Variants in CHRNB3 observed in about 807,000 individuals in gnomAD.
The protein encoded by CHRNB3 is neuronal acetylcholine receptor subunit beta-3.
Under a neutral mutation model 40.6 loss-of-function variants are expected in CHRNB3, and 37 were observed. The ratio of observed to expected loss-of-function variants is 0.91; its 90% confidence interval spans 0.70 to 1.20. CHRNB3 has a LOEUF of 1.20. CHRNB3 is among the 50% of genes most tolerant of loss of function. The pLI is 0.00. For missense variants in CHRNB3, 505 were observed against 551.2 expected (o/e 0.92, Z 0.84); for synonymous variants, 207 against 207.1 (o/e 1.00, Z 0.00).
At chr8:42,715,502 T>G (rs2128906395) in intron 3 of CHRNB3, among the ~76,000 whole-genome samples, 1 of 152,296 alleles carries the variant, frequency 6.6e-6, no homozygotes, top group African/African-American at 2.4e-5. Flanking sequence ...TCCCAGACAC[T>G]GAAAAATGTT....
intron 2 of CHRNB3, among the ~76,000 whole-genome samples, chr8:42,709,463 C>T (rs989329064): frequency 4.0e-5 from 6 of 151,814 alleles, no homozygotes; most frequent in East Asian, 1.9e-4. Flanking sequence ...TCTATGATCC[C>T]CAAAGCCCCA....
chr8:42,711,797 G>T (rs1183498371), intron 3 of CHRNB3, among the ~76,000 whole-genome samples: 5 of 152,040 alleles, frequency 3.3e-5, no homozygotes, highest in Admixed American at 3.3e-4. Flanking sequence ...CCCAAATAGT[G>T]AACATCATAC....
intron 3 of CHRNB3, chr8:42,726,073 C>T (rs878929154): frequency 3.1e-6 from 3 of 956,630 alleles, no homozygotes; most frequent in South Asian, 2.6e-5. Context: ...GGAATGATTC[C>T]AGTTGTTTAA....
chr8:42,710,538 C>A, intron 3 of CHRNB3, 104 bp downstream of exon 3: 1 of 904,594 alleles, frequency 1.1e-6, no homozygotes, highest in South Asian at 1.6e-5. Flanking sequence ...ATATTGTGTT[C>A]CTCAGGGAGA....
chr8:42,725,772 CA>C, intron 3 of CHRNB3: 1 of 904,846 alleles, frequency 1.1e-6, no homozygotes, highest in Non-Finnish European at 1.8e-6. Context: ...GTCCACGTTT[CA>C]AAATGAGTTC....
chr8:42,730,905 G>T (rs907090982), intron 4 of CHRNB3, among the ~76,000 whole-genome samples: 1 of 146,646 alleles, frequency 6.8e-6, no homozygotes, highest in Non-Finnish European at 1.5e-5. Context: ...AAAATTAGCC[G>T]GGCGCGGTGG....
intron 4 of CHRNB3, among the ~76,000 whole-genome samples, 180 bp from the exon 5 acceptor site, chr8:42,731,487 G>A (rs1030534633): frequency 2.0e-5 from 3 of 152,144 alleles, no homozygotes; most frequent in Non-Finnish European, 2.9e-5. Flanking sequence ...CCCGGGAGGC[G>A]GAGGTTGCAG....
chr8:42,733,464 T>C (rs1027568055), intron 5 of CHRNB3, among the ~76,000 whole-genome samples: 2 of 152,078 alleles, frequency 1.3e-5, no homozygotes, highest in Non-Finnish European at 2.9e-5. Flanking sequence ...GAAAAGTTTG[T>C]GTGAGGATTA....
At chr8:42,736,166 C>A (rs773404885) in intron 5 of CHRNB3, among the ~76,000 whole-genome samples, 1 of 152,184 alleles carries the variant, frequency 6.6e-6, no homozygotes, top group Admixed American at 6.5e-5. Flanking sequence ...CGCACCTGGC[C>A]TATAGTGGCT....
chr8:42,703,244 C>T lies in CHRNB3; in HGVS notation c.53-5473C>T, dbSNP rs865931223. On this transcript the variant is annotated intron_variant, in intron 1 of 5. Transcript: ENST00000289957. The stretch of plus-strand genomic sequence containing the variant: ...TTCAAGACCAGCCTGACCAATGTAG[C>T]GAAACCCTGTCTCTACTAAAAATAC... Among the ~76,000 whole-genome samples, 9 of 150,858 alleles carry T rather than the reference C, an allele frequency of 6.0e-5. No individual in the cohort carries two copies. In the Middle Eastern group the frequency reaches 0.01, roughly 172 times the overall value.
At chr8:42,709,000 C>G in intron 2 of CHRNB3, 132 bp downstream of exon 2, 1 of 979,716 alleles carries the variant, frequency 1.0e-6, no homozygotes, top group East Asian at 2.7e-5. Context: ...AAAATCTGCC[C>G]CCAAGAAGCC....
Position 42,731,811 on chromosome 8 carries a change from C to T in CHRNB3, c.504C>T (p.Ser168=), listed in dbSNP as rs1816427955. 1 of 1,614,106 alleles carries T rather than the reference C, an allele frequency of 6.2e-7. No homozygotes were observed. Among genetic ancestry groups the T allele is most frequent in the Non-Finnish European group, 8.5e-7 (1 of 1,180,040 alleles). Residue 168 remains serine, a synonymous_variant, in exon 5 of 6, where the codon TCC becomes TCT. Transcript: ENST00000289957. ...TCCCGTTCGACCGACAGAACTGCTC[C>T]ATGAAGTTTGGATCCTGGACTTATG... ...TFFPFDRQNC[S]MKFGSWTYDG...
At chr8:42,707,092 G>A (rs559379896) in intron 1 of CHRNB3, among the ~76,000 whole-genome samples, 3 of 152,256 alleles carry the variant, frequency 2.0e-5, no homozygotes, top group African/African-American at 7.2e-5. Context: ...CAAATGTAAG[G>A]TTGCGTCTCT....
In CHRNB3 at chr8:42,731,921, A is replaced by AT. The variant is rs775574985; in HGVS notation, c.614_615insT (p.Ala206ArgfsTer56). The AT allele has an allele frequency of 6.2e-7, 1 of 1,614,166 alleles. No homozygotes were observed. The highest frequency in any genetic ancestry group is 1.1e-5 in the South Asian group (1 of 91,078). On this transcript the variant is annotated frameshift_variant, in exon 5 of 6. Transcript: ENST00000289957. LOFTEE classifies it high-confidence loss of function. ...GATAACGGAGAATGGGAAATACTGA[A>AT]CGCAAAGGGGATGAAGGGGAACAGA...
rs1342271290 is a variant in CHRNB3, at chr8:42,716,862, G to T, written c.249+6428G>T. On this transcript the variant is annotated intron_variant, in intron 3 of 5. Coordinates refer to ENST00000289957, the MANE Select transcript of CHRNB3 (RefSeq NM_000749.5). ...GCATATAAAAATAAGGCAATGAGAGGACTAAATGACCCGGCTTCACTGTAG... is the reference window on the plus strand; with the variant it reads ...GCATATAAAAATAAGGCAATGAGAGTACTAAATGACCCGGCTTCACTGTAG... Among the ~76,000 whole-genome samples, 5 of 151,892 alleles carry T rather than the reference G, an allele frequency of 3.3e-5. No individual in the cohort carries two copies. In the East Asian group the frequency reaches 7.7e-4, roughly 23 times the overall value.
Position 42,708,702 on chromosome 8 carries a change from A to G in CHRNB3, c.53-15A>G, listed in dbSNP as rs1241906385. On this transcript the variant is annotated splice_polypyrimidine_tract_variant and intron_variant, in intron 1 of 5. Coordinates refer to ENST00000289957, the MANE Select transcript of CHRNB3 (RefSeq NM_000749.5). Reference sequence around the variant, plus strand: ...CCCTCCCATTAACCCAGGTCCACCCATGATTCTTTTACAGCCACCACAGGT... The same window carrying G: ...CCCTCCCATTAACCCAGGTCCACCCGTGATTCTTTTACAGCCACCACAGGT... 3 of 1,613,024 alleles carry G rather than the reference A, an allele frequency of 1.9e-6. No homozygotes were observed. The highest frequency in any genetic ancestry group is 2.5e-6 in the Non-Finnish European group (3 of 1,179,560).
In CHRNB3 at chr8:42,715,171, C is replaced by T. The variant is rs192295847; in HGVS notation, c.249+4737C>T. ...AGCGTTAGTTACTAAAAAATAATTA[C>T]CATGATAAATAGCACAAAGAAAGTA... On this transcript the variant is annotated intron_variant, in intron 3 of 5. Coordinates refer to ENST00000289957, the MANE Select transcript of CHRNB3 (RefSeq NM_000749.5). Among the ~76,000 whole-genome samples, 356 of 152,142 alleles carry T rather than the reference C, an allele frequency of 2.3e-3. 1 individual carries two copies. Among genetic ancestry groups the T allele is most frequent in the Non-Finnish European group, 4.3e-3 (290 of 68,004 alleles).
In CHRNB3 at chr8:42,697,486, T is replaced by C; in HGVS notation, c.-61T>C. ...GTATTTTCTTTTCAAAACCCCCTTT[T>C]CCAGTGGAAATGCTCTGTTGTTAAA... On this transcript the variant is annotated 5_prime_UTR_variant, in exon 1 of 6. Coordinates refer to ENST00000289957, the MANE Select transcript of CHRNB3 (RefSeq NM_000749.5). 1 of 1,463,700 alleles carries C rather than the reference T, an allele frequency of 6.8e-7. No individual in the cohort carries two copies. Among genetic ancestry groups the C allele is most frequent in the Non-Finnish European group, 9.6e-7 (1 of 1,044,534 alleles). 90.7% of individuals were successfully genotyped at this position (1,463,700 alleles called of 1,614,324 possible). A position where few individuals can be genotyped will look rare whatever the true frequency, so the allele number is the denominator to read the frequency against.
chr8:42,708,603 T>C, intron 1 of CHRNB3, 114 bp from the exon 2 acceptor site: 18 of 1,221,764 alleles, frequency 1.5e-5, no homozygotes, highest in Non-Finnish European at 2.1e-5. Context: ...CTGGGCTGTT[T>C]AGAAACAGAC....
Sources: gnomAD v4.1 joint callset for allele counts (sites outside exome capture counted in the v4.1 genomes callset) on GRCh38, gnomAD v4.1.1 for gene constraint, MANE v1.5 for transcripts, NCBI Gene and HGNC (gene_info 2026-07-23, HGNC 2026-07-21) for gene names.